The following GRIN2B variants were observed in gnomAD, a reference collection of about 807,000 sequenced individuals.
The protein encoded by GRIN2B is glutamate receptor ionotropic, NMDA 2B.
A neutral mutation model predicts 114.5 loss-of-function variants in GRIN2B; 5 were observed. That is an observed-to-expected ratio of 0.04 (90% confidence interval 0.02 to 0.09). GRIN2B has a LOEUF of 0.09. GRIN2B is among the 10% of genes least tolerant of loss of function. The pLI is 1.00. For synonymous variants in GRIN2B, 787 were observed against 745.1 expected, an observed-to-expected ratio of 1.06 and a Z score of -0.92; for missense variants, 1,108 against 1,943.5, an observed-to-expected ratio of 0.57 and a Z score of 8.08.
chr12:13,906,581 G>T (rs757168586), intron 2 of GRIN2B, among the ~76,000 whole-genome samples: 1 of 152,164 alleles, frequency 6.6e-6, no homozygotes, highest in Non-Finnish European at 1.5e-5. Context: ...ATATGTTTGT[G>T]TGTGTAAGAA....
At chr12:13,690,364 C>T (rs1344556782) in intron 4 of GRIN2B, among the ~76,000 whole-genome samples, 1 of 54,648 alleles carries the variant, frequency 1.8e-5, no homozygotes, top group South Asian at 1.0e-3. Flanking sequence ...GCCTCTCTCT[C>T]TCTCTCTCTC....
chr12:13,867,564 A>G (rs1865847317), intron 2 of GRIN2B, among the ~76,000 whole-genome samples: 1 of 152,340 alleles, frequency 6.6e-6, no homozygotes, highest in South Asian at 2.1e-4. Flanking sequence ...AATTAAAAAG[A>G]ATCATTTATT....
chr12:13,791,772 C>T (rs1469091395), intron 3 of GRIN2B, among the ~76,000 whole-genome samples: 1 of 152,014 alleles, frequency 6.6e-6, no homozygotes, highest in African/African-American at 2.4e-5. Flanking sequence ...TTAGTGTATC[C>T]ATCACATTTA....
intron 3 of GRIN2B, among the ~76,000 whole-genome samples, chr12:13,798,529 A>G (rs1328571199): frequency 6.6e-6 from 1 of 152,202 alleles, no homozygotes; most frequent in African/African-American, 2.4e-5. Flanking sequence ...GTATGTAAAC[A>G]TACAACATAC....
intron 5 of GRIN2B, among the ~76,000 whole-genome samples, chr12:13,656,129 G>T (rs1305430354): frequency 6.6e-6 from 1 of 152,122 alleles, no homozygotes; most frequent in Non-Finnish European, 1.5e-5. Context: ...CTGTAGGAAC[G>T]TATTAAAGAT....
chr12:13,936,079 C>T (rs61914321), intron 2 of GRIN2B, among the ~76,000 whole-genome samples: 11,226 of 152,182 alleles, frequency 0.074, 516 homozygotes, highest in Middle Eastern at 0.13. Flanking sequence ...ATTAGAGACA[C>T]ATGTGCAAAG....
chr12:13,954,896 G>A (rs891168717), intron 2 of GRIN2B, among the ~76,000 whole-genome samples: 2 of 149,104 alleles, frequency 1.3e-5, no homozygotes, highest in African/African-American at 4.9e-5. Context: ...GTTGCAAAAG[G>A]GAAGAAAAAT....
chr12:13,675,558 G>A (rs1950065354), intron 5 of GRIN2B, among the ~76,000 whole-genome samples, 187 bp downstream of exon 5: 1 of 152,112 alleles, frequency 6.6e-6, no homozygotes, highest in Non-Finnish European at 1.5e-5. Context: ...ACAATCCCTT[G>A]ATTAACCAAA....
chr12:13,902,608 C>A (rs763372750), intron 2 of GRIN2B, among the ~76,000 whole-genome samples: 47 of 152,194 alleles, frequency 3.1e-4, no homozygotes, highest in Non-Finnish European at 5.3e-4. Context: ...GTCGAGAATT[C>A]GAGACCAGCC....
chr12:13,853,633 CA>C (rs1480213471), intron 3 of GRIN2B, among the ~76,000 whole-genome samples: 2 of 152,094 alleles, frequency 1.3e-5, no homozygotes, highest in Admixed American at 1.3e-4. Flanking sequence ...AAAGTGGACA[CA>C]AATGTGATAA....
At chr12:13,754,258 T>C (rs1015643430) in intron 3 of GRIN2B, among the ~76,000 whole-genome samples, 1 of 152,132 alleles carries the variant, frequency 6.6e-6, no homozygotes, top group African/African-American at 2.4e-5. Flanking sequence ...AGTCACATAG[T>C]GTAGAATAAA....
intron 5 of GRIN2B, among the ~76,000 whole-genome samples, chr12:13,669,149 T>C (rs1950002202): frequency 1.3e-5 from 2 of 152,048 alleles, no homozygotes; most frequent in African/African-American, 4.8e-5. Flanking sequence ...CCTGGTGTTG[T>C]TAACAGTTCC....
At chr12:13,723,498 T>G (rs1862916939) in intron 4 of GRIN2B, among the ~76,000 whole-genome samples, 1 of 151,854 alleles carries the variant, frequency 6.6e-6, no homozygotes. Context: ...AAAAAACACT[T>G]GCATATAAGC....
intron 5 of GRIN2B, among the ~76,000 whole-genome samples, chr12:13,616,979 A>T (rs531473402): frequency 6.6e-6 from 1 of 152,348 alleles, no homozygotes; most frequent in African/African-American, 2.4e-5. Context: ...CAGTGAGTGG[A>T]GTCAGATATG....
At position 13,865,926 on chromosome 12, in the gene GRIN2B, G is replaced by C; in HGVS notation, c.283C>G (p.Gln95Glu). 1 of 1,614,004 alleles carries C rather than the reference G, an allele frequency of 6.2e-7. No individual in the cohort carries two copies. Among genetic ancestry groups the C allele is most frequent in the East Asian group, 2.2e-5 (1 of 44,866 alleles). ...ICDLMSDRKIQGVVFADDTDQ... is the reference protein window; with the variant it reads ...ICDLMSDRKIEGVVFADDTDQ... Reference sequence around the variant, plus strand: ...GTGTCATCAGCAAACACCACCCCCTGGATCTTCCGGTCAGACATGAGATCA... The same window carrying C: ...GTGTCATCAGCAAACACCACCCCCTCGATCTTCCGGTCAGACATGAGATCA... Residue 95 changes from glutamine to glutamate, a missense_variant, in exon 3 of 14, where the codon CAG (glutamine) becomes GAG (glutamate). Physicochemically the swap from Gln to Glu is conservative, Grantham distance 29. Transcript: ENST00000609686.
intron 3 of GRIN2B, among the ~76,000 whole-genome samples, chr12:13,754,976 T>G (rs1459688714): frequency 3.3e-5 from 5 of 152,206 alleles, no homozygotes; most frequent in Non-Finnish European, 7.3e-5. Flanking sequence ...AAACACAAAA[T>G]GAACACCCTC....
chr12:13,803,695 C>T (rs1864554451), intron 3 of GRIN2B, among the ~76,000 whole-genome samples: 1 of 152,066 alleles, frequency 6.6e-6, no homozygotes, highest in African/African-American at 2.4e-5. Flanking sequence ...TTTTAAAAGG[C>T]TTCTTTCATG....
At chr12:13,831,888 T>C (rs139460543) in intron 3 of GRIN2B, among the ~76,000 whole-genome samples, 96 of 152,328 alleles carry the variant, frequency 6.3e-4, no homozygotes, top group Non-Finnish European at 1.0e-3. Context: ...CTGTGTTTCA[T>C]TAGTGTTCTA....
intron 10 of GRIN2B, among the ~76,000 whole-genome samples, chr12:13,582,578 A>T (rs1948867264): frequency 1.3e-5 from 2 of 152,292 alleles, no homozygotes; most frequent in South Asian, 4.1e-4. Flanking sequence ...AGAGACCTGC[A>T]CTTGGATGTG....
Sources: allele counts gnomAD v4.1 joint callset (sites outside exome capture counted in the v4.1 genomes callset), GRCh38; gene constraint gnomAD v4.1.1; transcripts MANE v1.5; gene names NCBI Gene and HGNC (gene_info 2026-07-23, HGNC 2026-07-21).